Variants in ARHGAP15 observed in about 807,000 individuals in gnomAD.
ARHGAP15 encodes the protein rho GTPase-activating protein 15.
A neutral mutation model predicts 63.7 loss-of-function variants in ARHGAP15; 51 were observed. The observed-to-expected ratio is 0.80, with a 90% CI of 0.64 to 1.01. ARHGAP15 has a LOEUF of 1.01. Ranked by LOEUF, ARHGAP15 falls within the 50% of genes least tolerant of loss-of-function variation. ARHGAP15 has a pLI of 0.00. For synonymous variants in ARHGAP15, 191 were observed against 193.8 expected (o/e 0.99, Z 0.12); for missense variants, 560 against 564.6 (o/e 0.99, Z 0.08).
intron 6 of ARHGAP15, among the ~76,000 whole-genome samples, chr2:143,389,630 A>G (rs886245916): frequency 4.6e-5 from 7 of 152,178 alleles, no homozygotes; most frequent in Admixed American, 2.0e-4. Flanking sequence ...GTAAGTCCAC[A>G]TGGGGCAGAC....
chr2:143,550,836 T>G (rs1695527503), intron 10 of ARHGAP15, among the ~76,000 whole-genome samples: 1 of 152,174 alleles, frequency 6.6e-6, no homozygotes, highest in African/African-American at 2.4e-5. Context: ...CTCAAAATAG[T>G]TATAAAAAAC....
intron 10 of ARHGAP15, among the ~76,000 whole-genome samples, chr2:143,534,725 C>CA (rs1055552078): frequency 4.5e-4 from 68 of 150,732 alleles, no homozygotes; most frequent in African/African-American, 1.5e-3. Context: ...CAAAAAATAC[C>CA]AAAAAAAATA....
intron 6 of ARHGAP15, among the ~76,000 whole-genome samples, chr2:143,255,452 AGTCTTCT>A (rs1680371318): frequency 6.6e-6 from 1 of 152,140 alleles, no homozygotes; most frequent in Admixed American, 6.6e-5. Context: ...CTTTGGATGG[AGTCTTCT>A]GACTACAATG....
chr2:143,178,618 AT>A (rs2105063919), intron 2 of ARHGAP15, among the ~76,000 whole-genome samples: 1 of 152,134 alleles, frequency 6.6e-6, no homozygotes, highest in South Asian at 2.1e-4. Flanking sequence ...TAATTTTTAA[AT>A]TTTTTATTAC....
chr2:143,428,766 C>T (rs1173912971), intron 6 of ARHGAP15, among the ~76,000 whole-genome samples: 1 of 151,992 alleles, frequency 6.6e-6, no homozygotes, highest in East Asian at 1.9e-4. Flanking sequence ...TTGAGCATTA[C>T]CTACATAAGG....
chr2:143,197,920 C>T (rs890869634), intron 2 of ARHGAP15, among the ~76,000 whole-genome samples: 1 of 151,708 alleles, frequency 6.6e-6, no homozygotes, highest in Non-Finnish European at 1.5e-5. Flanking sequence ...TTTTTATGCA[C>T]GTGGAGGCTC....
intron 1 of ARHGAP15, among the ~76,000 whole-genome samples, chr2:143,150,895 A>T (rs1355586658): frequency 6.6e-6 from 1 of 152,024 alleles, no homozygotes; most frequent in African/African-American, 2.4e-5. Flanking sequence ...ACTTAATATG[A>T]TTTGAAGTTA....
intron 10 of ARHGAP15, among the ~76,000 whole-genome samples, chr2:143,520,746 G>T (rs1202551002): frequency 6.6e-6 from 1 of 152,076 alleles, no homozygotes; most frequent in Non-Finnish European, 1.5e-5. Context: ...TAACTAAATT[G>T]TCATCATTTT....
At chr2:143,626,111 G>A (rs937982898) in intron 12 of ARHGAP15, among the ~76,000 whole-genome samples, 2 of 152,168 alleles carry the variant, frequency 1.3e-5, no homozygotes, top group Non-Finnish European at 2.9e-5. Flanking sequence ...GGCATGGTAA[G>A]AACGGAACAT....
chr2:143,560,372 A>T (rs767947046), intron 11 of ARHGAP15, among the ~76,000 whole-genome samples: 1 of 152,234 alleles, frequency 6.6e-6, no homozygotes, highest in Admixed American at 6.5e-5. Flanking sequence ...CCTTTCTTAC[A>T]TCCCATAGAG....
At chr2:143,362,570 T>C (rs1248975911) in intron 6 of ARHGAP15, among the ~76,000 whole-genome samples, 1 of 152,236 alleles carries the variant, frequency 6.6e-6, no homozygotes, top group Non-Finnish European at 1.5e-5. Context: ...CCATAGATCT[T>C]CAGACCTATA....
intron 4 of ARHGAP15, among the ~76,000 whole-genome samples, chr2:143,217,571 G>C (rs1476834802): frequency 6.6e-6 from 1 of 152,190 alleles, no homozygotes; most frequent in East Asian, 1.9e-4. Context: ...GTTGCTTTAA[G>C]AGATGTGGCT....
intron 8 of ARHGAP15, among the ~76,000 whole-genome samples, chr2:143,483,500 G>T (rs1232695054): frequency 4.6e-5 from 7 of 152,192 alleles, no homozygotes; most frequent in African/African-American, 1.7e-4. Flanking sequence ...TGAAAACTTA[G>T]ATTGATTATT....
At chr2:143,390,156 T>C (rs1213997117) in intron 6 of ARHGAP15, among the ~76,000 whole-genome samples, 1 of 152,094 alleles carries the variant, frequency 6.6e-6, no homozygotes, top group Non-Finnish European at 1.5e-5. Flanking sequence ...ATCAGGCATA[T>C]TATATTAAAA....
At chr2:143,240,010 A>AAAAAAC (rs1693803358) in intron 5 of ARHGAP15, among the ~76,000 whole-genome samples, 1 of 148,026 alleles carries the variant, frequency 6.8e-6, no homozygotes, top group Non-Finnish European at 1.5e-5. Context: ...AAAAAAAAAA[A>AAAAAAC]AAAAAAAAAA....
At chr2:143,688,105 C>G (rs1683431623) in intron 12 of ARHGAP15, among the ~76,000 whole-genome samples, 1 of 152,018 alleles carries the variant, frequency 6.6e-6, no homozygotes, top group Non-Finnish European at 1.5e-5. Context: ...TTATCCTAGC[C>G]TGCTTAATTT....
At chr2:143,461,968 CA>C (rs1375016733) in intron 8 of ARHGAP15, among the ~76,000 whole-genome samples, 1 of 152,022 alleles carries the variant, frequency 6.6e-6, no homozygotes, top group Non-Finnish European at 1.5e-5. Context: ...GCCTGGGCAA[CA>C]TGGCAAAACC....
rs999168877 is a variant in ARHGAP15, at chr2:143,355,603, A to G, written c.475-79998A>G. ...TTATCCCCATTTTTGAACCTTGACAAGAAATAACATTCAAGGAATTATATT... is the reference window on the plus strand; with the variant it reads ...TTATCCCCATTTTTGAACCTTGACAGGAAATAACATTCAAGGAATTATATT... On this transcript the variant is annotated intron_variant, in intron 6 of 13. Coordinates refer to ENST00000295095, the MANE Select transcript of ARHGAP15 (RefSeq NM_018460.4). Among the ~76,000 whole-genome samples, 7 of 152,306 alleles carry G rather than the reference A, an allele frequency of 4.6e-5. No individual in the cohort carries two copies. In the South Asian group the frequency reaches 1.5e-3, roughly 32 times the overall value.
intron 11 of ARHGAP15, among the ~76,000 whole-genome samples, chr2:143,563,646 T>TTA (rs1696112238): frequency 6.6e-6 from 1 of 152,136 alleles, no homozygotes; most frequent in South Asian, 2.1e-4. Context: ...TTAGTCAGAG[T>TTA]TATGTAACTA....
Sources: allele counts gnomAD v4.1 joint callset (sites outside exome capture counted in the v4.1 genomes callset), GRCh38; gene constraint gnomAD v4.1.1; transcripts MANE v1.5; gene names NCBI Gene and HGNC (gene_info 2026-07-23, HGNC 2026-07-21).